The following KLHL22 variants were observed in gnomAD, a reference collection of about 807,000 sequenced individuals.
KLHL22 encodes kelch-like protein 22.
KLHL22 carries 18 observed loss-of-function variants against 60.7 expected under a neutral mutation model. The ratio of observed to expected loss-of-function variants is 0.30; its 90% CI spans 0.20 to 0.44. The LOEUF is 0.44. Among genes scored for constraint, KLHL22 ranks in the 20% least tolerant of loss-of-function variants. The pLI is 1.00. For missense variants in KLHL22, 596 were observed against 852.3 expected (o/e 0.70, Z 3.74); for synonymous variants, 355 against 354.5 (o/e 1.00, Z -0.01).
chr22:20,467,716 T>C (rs2053256540), intron 3 of KLHL22, among the ~76,000 whole-genome samples: 1 of 152,180 alleles, frequency 6.6e-6, no homozygotes, highest in African/African-American at 2.4e-5. Flanking sequence ...TGGAGTGCAG[T>C]GGCACGATCT....
In KLHL22 at chr22:20,442,442, C is replaced by T. The variant is rs145527395; in HGVS notation, c.1540-4G>A. The T allele has an allele frequency of 9.5e-6, 15 of 1,580,516 alleles. No individual in the cohort carries two copies. Among genetic ancestry groups the T allele is most frequent in the Non-Finnish European group, 1.2e-5 (14 of 1,160,800 alleles). The stretch of plus-strand genomic sequence containing the variant: ...ACGTGCAGCTGTAGCAGGCCACCTG[C>T]AAAGCCAAGGCTAGAATAAAGCCCA... On this transcript the variant is annotated splice_polypyrimidine_tract_variant and splice_region_variant and intron_variant, in intron 6 of 6. Coordinates refer to ENST00000328879, the MANE Select transcript of KLHL22 (RefSeq NM_032775.4).
chr22:20,479,258 A>T (rs966769123), intron 2 of KLHL22, among the ~76,000 whole-genome samples: 9 of 151,836 alleles, frequency 5.9e-5, no homozygotes, highest in African/African-American at 1.9e-4. Context: ...TTTTTAAAAA[A>T]ATATATTAAA....
chr22:20,442,441 G>A lies in KLHL22; in HGVS notation c.1540-3C>T. On this transcript the variant is annotated splice_polypyrimidine_tract_variant and splice_region_variant and intron_variant, in intron 6 of 6. Coordinates refer to ENST00000328879, the MANE Select transcript of KLHL22 (RefSeq NM_032775.4). ...GACGTGCAGCTGTAGCAGGCCACCT[G>A]CAAAGCCAAGGCTAGAATAAAGCCC... 2 of 1,580,206 alleles carry A rather than the reference G, an allele frequency of 1.3e-6. No homozygotes were observed. Among genetic ancestry groups the A allele is most frequent in the South Asian group, 2.3e-5 (2 of 86,400 alleles).
At chr22:20,458,057 G>C (rs1408147291) in intron 4 of KLHL22, 57 bp from the exon 5 acceptor site, 2 of 1,579,086 alleles carry the variant, frequency 1.3e-6, no homozygotes, top group African/African-American at 2.7e-5. Context: ...CTGCTCCGCA[G>C]GCTTGCACCT....
chr22:20,448,138 A>G (rs181533729), intron 5 of KLHL22, among the ~76,000 whole-genome samples: 1 of 152,184 alleles, frequency 6.6e-6, no homozygotes, highest in African/African-American at 2.4e-5. Flanking sequence ...TTGTAACTTC[A>G]AGAGTGTTGT....
At chr22:20,490,118 T>C (rs2146290348) in intron 1 of KLHL22, among the ~76,000 whole-genome samples, 1 of 152,312 alleles carries the variant, frequency 6.6e-6, no homozygotes, top group South Asian at 2.1e-4. Flanking sequence ...CTGTGAGGCA[T>C]GGCCAAGCTG....
chr22:20,490,722 T>C (rs2053673540), intron 1 of KLHL22, among the ~76,000 whole-genome samples: 1 of 152,230 alleles, frequency 6.6e-6, no homozygotes, highest in Non-Finnish European at 1.5e-5. Flanking sequence ...GCACACAATC[T>C]GGACCCCTCA....
chr22:20,458,503 C>T (rs1267523578), intron 4 of KLHL22, among the ~76,000 whole-genome samples: 1 of 137,436 alleles, frequency 7.3e-6, no homozygotes, highest in Non-Finnish European at 1.5e-5. Context: ...GGGATATGGA[C>T]TTAGGCAATC....
intron 3 of KLHL22, among the ~76,000 whole-genome samples, chr22:20,469,570 G>T (rs1476664986): frequency 2.0e-5 from 3 of 152,052 alleles, no homozygotes; most frequent in African/African-American, 7.2e-5. Context: ...AAAGAACAGG[G>T]GGAAATTCTT....
chr22:20,444,767 T>C (rs550503572), intron 6 of KLHL22, among the ~76,000 whole-genome samples: 5 of 151,720 alleles, frequency 3.3e-5, no homozygotes, highest in Admixed American at 2.6e-4. Flanking sequence ...GAATGGGATA[T>C]GGGATGCTCT....
chr22:20,473,117 G>A (rs865942006), intron 2 of KLHL22, among the ~76,000 whole-genome samples: 5 of 152,214 alleles, frequency 3.3e-5, no homozygotes, highest in Non-Finnish European at 7.3e-5. Context: ...GATGTGAACT[G>A]ACTGGCTTTC....
intron 3 of KLHL22, among the ~76,000 whole-genome samples, chr22:20,467,839 T>C (rs1335713658): frequency 6.6e-6 from 1 of 152,124 alleles, no homozygotes; most frequent in Non-Finnish European, 1.5e-5. Context: ...TTTGTATTTT[T>C]AGTAGAGACG....
At position 20,489,129 on chromosome 22, in the gene KLHL22, C is replaced by T. The variant is rs906913528; in HGVS notation, c.83G>A (p.Arg28His). 3.8e-5 allele frequency: 61 copies of T among 1,613,974 alleles called. No homozygotes were observed. Among genetic ancestry groups the T allele is most frequent in the Admixed American group, 5.0e-5 (3 of 59,994 alleles). The change falls in exon 2 of 7, where the codon CGC (arginine) becomes CAC (histidine). Residue 28 changes from arginine (R) to histidine (H), a missense_variant. Arg to His is a conservative substitution (Grantham distance 29). Transcript: ENST00000328879. Reference sequence around the variant, plus strand: ...CAGAGCCTGGGAGTGCTGTGCGCTGCGGTAGGTGTTGTTCACGCAGTGTGG... The same window carrying T: ...CAGAGCCTGGGAGTGCTGTGCGCTGTGGTAGGTGTTGTTCACGCAGTGTGG... Reference protein sequence around the residue: ...SHPHCVNNTYRSAQHSQALLR... With the variant: ...SHPHCVNNTYHSAQHSQALLR...
rs897996311 is a variant in KLHL22, at chr22:20,495,065, C to A, written c.-34+695G>T. ...AAGGGTGCGCTCTGGAAGAATCTCC[C>A]AGGGAGCCGTCTTGGAGGCACTCGG... On this transcript the variant is annotated intron_variant, in intron 1 of 6. Coordinates refer to ENST00000328879, the MANE Select transcript of KLHL22 (RefSeq NM_032775.4). This position sits in a 1 kb window ranked among gnomAD's most constrained non-coding sequence, Gnocchi z 4.6. Among the ~76,000 whole-genome samples, 8 of 152,150 alleles carry A rather than the reference C, an allele frequency of 5.3e-5. No homozygotes were observed. The highest frequency in any genetic ancestry group is 1.9e-4 in the African/African-American group (8 of 41,438).
chr22:20,442,965 C>G (rs894300490), intron 6 of KLHL22, among the ~76,000 whole-genome samples: 2 of 152,224 alleles, frequency 1.3e-5, no homozygotes, highest in Non-Finnish European at 2.9e-5. Flanking sequence ...TCAATATTCT[C>G]TTGTCTTCAA....
chr22:20,452,657 G>C (rs1233985289), intron 5 of KLHL22, among the ~76,000 whole-genome samples: 1 of 152,212 alleles, frequency 6.6e-6, no homozygotes, highest in African/African-American at 2.4e-5. Context: ...TAAACTAGAA[G>C]TACCTGTGAT....
intron 2 of KLHL22, among the ~76,000 whole-genome samples, chr22:20,484,896 C>A (rs1447766288): frequency 6.6e-6 from 1 of 152,002 alleles, no homozygotes; most frequent in African/African-American, 2.4e-5. Flanking sequence ...CCACCATGCC[C>A]AGCTAATTAA....
At chr22:20,445,040 T>G (rs1286573710) in intron 6 of KLHL22, among the ~76,000 whole-genome samples, 1 of 151,826 alleles carries the variant, frequency 6.6e-6, no homozygotes, top group Non-Finnish European at 1.5e-5. Context: ...CTGCCTTGGC[T>G]TCCCAAAATG....
chr22:20,451,376 G>A, intron 5 of KLHL22: 1 of 1,611,792 alleles, frequency 6.2e-7, no homozygotes, highest in Non-Finnish European at 8.5e-7. Flanking sequence ...GAAGGTGCCG[G>A]ACTCGTAGTG....
Sources: gnomAD v4.1 joint callset for allele counts (sites outside exome capture counted in the v4.1 genomes callset) on GRCh38, gnomAD v4.1.1 for gene constraint, Gnocchi (gnomAD v3.1) non-coding constraint, MANE v1.5 for transcripts, NCBI Gene and HGNC (gene_info 2026-07-23, HGNC 2026-07-21) for gene names.